SLC4A10: variants seen among roughly 807,000 people sequenced by gnomAD.
SLC4A10 encodes sodium-driven chloride bicarbonate exchanger.
In SLC4A10, 42 loss-of-function variants were observed where a neutral mutation model predicts 137.7. The ratio of observed to expected loss-of-function variants is 0.30; its 90% CI spans 0.24 to 0.39. The LOEUF is 0.39. Among genes scored for constraint, SLC4A10 ranks in the 10% least tolerant of loss-of-function variants. The pLI is 1.00. For synonymous variants in SLC4A10, 474 were observed against 464.1 expected (o/e 1.02, Z -0.27); for missense variants, 925 against 1,355.0 (o/e 0.68, Z 4.98).
intron 1 of SLC4A10, among the ~76,000 whole-genome samples, chr2:161,643,643 A>T (rs1477387371): frequency 6.6e-6 from 1 of 152,150 alleles, no homozygotes; most frequent in East Asian, 1.9e-4. Flanking sequence ...TAAGAGAGGG[A>T]CTGGTAACTA....
At chr2:161,963,961 T>C (rs1697161111) in intron 21 of SLC4A10, among the ~76,000 whole-genome samples, 174 bp from the exon 22 acceptor site, 1 of 152,178 alleles carries the variant, frequency 6.6e-6, no homozygotes, top group Admixed American at 6.5e-5. Context: ...ACTGAAATTG[T>C]AGTGTTTCAG....
intron 2 of SLC4A10, among the ~76,000 whole-genome samples, chr2:161,778,322 C>A (rs947394919): frequency 6.6e-6 from 1 of 151,850 alleles, no homozygotes; most frequent in East Asian, 1.9e-4. Flanking sequence ...TTATCTTTCT[C>A]CTCTTAACCT....
chr2:161,635,201 A>C lies in SLC4A10; in HGVS notation c.48+10635A>C, dbSNP rs565379888. ...AAGATTCACACAAAAAAGAAATTAGAATGAGCCAAATCAGGACTTTAAGGT... is the reference window on the plus strand; with the variant it reads ...AAGATTCACACAAAAAAGAAATTAGCATGAGCCAAATCAGGACTTTAAGGT... On this transcript the variant is annotated intron_variant, in intron 1 of 26. Coordinates refer to ENST00000446997, the MANE Select transcript of SLC4A10 (RefSeq NM_001178015.2). 3.5e-4 allele frequency among the ~76,000 whole-genome samples: 54 copies of C among 152,168 alleles called. 1 individual carries two copies. The South Asian group carries it at 9.1e-3, about 26-fold the overall frequency.
At chr2:161,834,192 TTC>T (rs2058616414) in intron 3 of SLC4A10, among the ~76,000 whole-genome samples, 1 of 152,226 alleles carries the variant, frequency 6.6e-6, no homozygotes, top group Non-Finnish European at 1.5e-5. Context: ...GCTTGTTGGC[TTC>T]ATTTGGTCCT....
intron 1 of SLC4A10, among the ~76,000 whole-genome samples, chr2:161,721,695 G>A (rs558511484): frequency 6.6e-6 from 1 of 152,126 alleles, no homozygotes; most frequent in Non-Finnish European, 1.5e-5. Context: ...TTATCTTACG[G>A]GGGTTCTCTG....
intron 1 of SLC4A10, among the ~76,000 whole-genome samples, chr2:161,748,610 T>C (rs2048635133): frequency 6.6e-6 from 1 of 152,130 alleles, no homozygotes; most frequent in South Asian, 2.1e-4. Flanking sequence ...GGCTTATTTC[T>C]GGACTTTACA....
chr2:161,781,057 G>A (rs1421185642), intron 2 of SLC4A10, among the ~76,000 whole-genome samples: 1 of 151,968 alleles, frequency 6.6e-6, no homozygotes, highest in African/African-American at 2.4e-5. Context: ...CAAACCAAGG[G>A]AAGTGAGAAG....
intron 3 of SLC4A10, among the ~76,000 whole-genome samples, chr2:161,811,254 CT>C (rs1317973621): frequency 6.6e-6 from 1 of 151,884 alleles, no homozygotes; most frequent in Admixed American, 6.6e-5. Context: ...TGGGTCTTCT[CT>C]TTTTTTGTTA....
chr2:161,867,723 A>G (rs1309880856), intron 6 of SLC4A10, among the ~76,000 whole-genome samples: 1 of 152,020 alleles, frequency 6.6e-6, no homozygotes, highest in Non-Finnish European at 1.5e-5. Flanking sequence ...TTTGAAGTGT[A>G]GCTCACCTAA....
At chr2:161,917,184 G>A (rs1323354255) in intron 15 of SLC4A10, among the ~76,000 whole-genome samples, 1 of 152,084 alleles carries the variant, frequency 6.6e-6, no homozygotes, top group Admixed American at 6.5e-5. Flanking sequence ...CACTGATTTT[G>A]TTGCATGTAT....
At position 161,976,648 on chromosome 2, in the gene SLC4A10, G is replaced by C. The variant is rs1300343696; in HGVS notation, c.3228-112G>C. 1.6e-5 allele frequency: 8 copies of C among 509,514 alleles called. No homozygotes were observed. In the East Asian group the frequency reaches 2.6e-4, roughly 17 times the overall value. 31.6% of individuals were successfully genotyped at this position (509,514 alleles called of 1,614,324 possible). On this transcript the variant is annotated intron_variant, in intron 24 of 26. Transcript: ENST00000446997. ...GTATTTTACCACAATTTAAAAATTG[G>C]GAAAAATATTCTTCATAGATATATG...
intron 1 of SLC4A10, among the ~76,000 whole-genome samples, chr2:161,628,343 A>T (rs1488385960): frequency 6.6e-6 from 1 of 152,040 alleles, no homozygotes; most frequent in Non-Finnish European, 1.5e-5. Flanking sequence ...TACTCATAAC[A>T]TTTCCCTAAG....
chr2:161,894,695 C>T lies in SLC4A10; in HGVS notation c.1211C>T (p.Ala404Val). Residue 404 changes from alanine (A) to valine (V), a missense_variant, in exon 11 of 27, where the codon GCC (alanine) becomes GTC (valine). Around this residue, in one of 11 missense-constraint regions of SLC4A10, gnomAD observed 277 missense variants for 306.1 expected, o/e 0.90. Coordinates refer to ENST00000446997, the MANE Select transcript of SLC4A10 (RefSeq NM_001178015.2). ...CTTCTAAAGGTATTTCATGATGTTG[C>T]CTATAAAGCTAAAGATCGTAATGAC... ...LMTDEVFHDV[A>V]YKAKDRNDLV... 2 of 1,413,480 alleles carry T rather than the reference C, an allele frequency of 1.4e-6. No individual in the cohort carries two copies. The highest frequency in any genetic ancestry group is 1.9e-6 in the Non-Finnish European group (2 of 1,074,976). 87.6% of individuals were successfully genotyped at this position (1,413,480 alleles called of 1,614,324 possible).
At chr2:161,810,494 C>T (rs1320079576) in intron 3 of SLC4A10, among the ~76,000 whole-genome samples, 1 of 151,956 alleles carries the variant, frequency 6.6e-6, no homozygotes, top group African/African-American at 2.4e-5. Flanking sequence ...ATGATTTTAG[C>T]TGTGTGTTTT....
intron 19 of SLC4A10, among the ~76,000 whole-genome samples, chr2:161,954,997 C>G (rs1196163788): frequency 6.6e-6 from 1 of 152,112 alleles, no homozygotes; most frequent in African/African-American, 2.4e-5. Context: ...CTCAAGGCCC[C>G]CTGTCTTCTG....
At chr2:161,929,546 A>G (rs1441524169) in intron 15 of SLC4A10, among the ~76,000 whole-genome samples, 2 of 152,196 alleles carry the variant, frequency 1.3e-5, no homozygotes, top group African/African-American at 4.8e-5. Context: ...CCCCTGACCA[A>G]TGAGTTGAGC....
chr2:161,875,914 G>A (rs556081167), intron 8 of SLC4A10, among the ~76,000 whole-genome samples: 88 of 152,314 alleles, frequency 5.8e-4, no homozygotes, highest in Admixed American at 1.6e-3. Flanking sequence ...GAAGTTTCTT[G>A]TACTTTCTAT....
At chr2:161,775,647 C>T (rs373858665) in intron 2 of SLC4A10, among the ~76,000 whole-genome samples, 24 of 151,866 alleles carry the variant, frequency 1.6e-4, no homozygotes, top group South Asian at 8.3e-4. Flanking sequence ...AGAGGTGAGG[C>T]GAGTTTCTAT....
intron 1 of SLC4A10, among the ~76,000 whole-genome samples, chr2:161,700,960 G>A (rs1244452559): frequency 6.6e-6 from 1 of 151,954 alleles, no homozygotes; most frequent in Non-Finnish European, 1.5e-5. Flanking sequence ...ACTATAACAA[G>A]TTAATCTTTT....
Sources: gnomAD v4.1 joint callset for allele counts (sites outside exome capture counted in the v4.1 genomes callset) on GRCh38, gnomAD v4.1.1 for gene constraint, gnomAD v4.1.1 regional missense constraint, MANE v1.5 for transcripts, NCBI Gene and HGNC (gene_info 2026-07-23, HGNC 2026-07-21) for gene names.